USP13: variants seen among roughly 807,000 people sequenced by gnomAD.
USP13 encodes the protein ubiquitin specific peptidase 13, also known as ubiquitin carboxyl-terminal hydrolase 13.
A neutral mutation model predicts 107.8 loss-of-function variants in USP13; 68 were observed. The observed-to-expected ratio is 0.63, with a 90% CI of 0.52 to 0.77. The LOEUF is 0.77. USP13 is among the 30% of genes least tolerant of loss of function. USP13 has a pLI of 0.00. For missense variants in USP13, 945 were observed against 1,093.3 expected, an observed-to-expected ratio of 0.86 and a Z score of 1.91; for synonymous variants, 377 against 389.5, an observed-to-expected ratio of 0.97 and a Z score of 0.38.
At chr3:179,779,945 T>C (rs1715687774) in intron 19 of USP13, among the ~76,000 whole-genome samples, 1 of 152,142 alleles carries the variant, frequency 6.6e-6, no homozygotes, top group South Asian at 2.1e-4. Flanking sequence ...GATTGGACTT[T>C]GTCTTGCTGA....
At chr3:179,784,008 A>T (rs775336311) in intron 20 of USP13, 40 bp from the exon 21 acceptor site, 1 of 1,544,314 alleles carries the variant, frequency 6.5e-7, no homozygotes, top group Admixed American at 1.8e-5. Flanking sequence ...GTTTCCTGGA[A>T]CTGACTTAAA....
intron 16 of USP13, among the ~76,000 whole-genome samples, chr3:179,759,033 G>A (rs2108532232): frequency 6.6e-6 from 1 of 152,016 alleles, no homozygotes; most frequent in Middle Eastern, 3.4e-3. Context: ...CCAGGCTGGA[G>A]TACAGTGGCA....
Position 179,742,194 on chromosome 3 carries a change from C to T in USP13, c.1381-3C>T. ...TACTAACCTGATACAATCCATCCTT[C>T]AGAGGAACCGCATCGGCTCAGAAAA... On this transcript the variant is annotated splice_region_variant and splice_polypyrimidine_tract_variant and intron_variant, in intron 11 of 20. Transcript: ENST00000263966. This position sits in a 1 kb window ranked among gnomAD's most constrained non-coding sequence, Gnocchi z 5.0. 1 of 1,614,226 alleles carries T rather than the reference C, an allele frequency of 6.2e-7. No homozygotes were observed. Among genetic ancestry groups the T allele is most frequent in the Non-Finnish European group, 8.5e-7 (1 of 1,180,036 alleles).
intron 10 of USP13, among the ~76,000 whole-genome samples, chr3:179,737,929 T>C (rs1714050692): frequency 6.6e-6 from 1 of 152,190 alleles, no homozygotes; most frequent in African/African-American, 2.4e-5. Flanking sequence ...GACAGGGAAA[T>C]TCATCAGATT....
Position 179,682,247 on chromosome 3 carries a change from G to GAA in USP13, c.294+253_294+254dup, listed in dbSNP as rs55876994. On this transcript the variant is annotated intron_variant, in intron 2 of 20. Coordinates refer to ENST00000263966, the MANE Select transcript of USP13 (RefSeq NM_003940.3). ...TAAGAATACATAGATTGACTAATTG[G>GAA]AAAAAAAAAACCGAAACTAGGTTTA... 5.7e-3 allele frequency among the ~76,000 whole-genome samples: 828 copies of GAA among 145,552 alleles called. 9 individuals carry two copies. Among genetic ancestry groups the GAA allele is most frequent in the African/African-American group, 0.02 (775 of 39,478 alleles).
At position 179,784,438 on chromosome 3, in the gene USP13, A is replaced by C. The variant is rs111790665; in HGVS notation, c.*297A>C. 0.024 allele frequency: 5,896 copies of C among 244,734 alleles called. 377 individuals are homozygous for C. The highest frequency in any genetic ancestry group is 0.13 in the African/African-American group (5,576 of 43,898). 15.2% of individuals were successfully genotyped at this position (244,734 alleles called of 1,614,324 possible). The stretch of plus-strand genomic sequence containing the variant: ...GTGGAGGATCTGCCATCAGCACATC[A>C]AAAATGGGGATGTGCCCCCAGCCCT... On this transcript the variant is annotated 3_prime_UTR_variant, in exon 21 of 21. Coordinates refer to ENST00000263966, the MANE Select transcript of USP13 (RefSeq NM_003940.3).
rs115815529 is a variant in USP13 at position 179,739,488 on chromosome 3, G to A, written c.1255-759G>A. 2.8e-3 allele frequency among the ~76,000 whole-genome samples: 419 copies of A among 152,326 alleles called. 2 individuals are homozygous for A. The highest frequency in any genetic ancestry group is 9.6e-3 in the African/African-American group (401 of 41,570). On this transcript the variant is annotated intron_variant, in intron 10 of 20. Transcript: ENST00000263966. ...GTAAGTGCTCCATTCTTCAGGAGGG[G>A]TCCTCTCCTATACCCTCATGGAAGG...
chr3:179,669,186 C>T (rs948839348), intron 1 of USP13, among the ~76,000 whole-genome samples: 14 of 152,200 alleles, frequency 9.2e-5, no homozygotes, highest in Admixed American at 2.0e-4. Flanking sequence ...CCTGGCTGGG[C>T]GCGGTGGCTC....
At position 179,742,180 on chromosome 3, in the gene USP13, T is replaced by C; in HGVS notation, c.1381-17T>C. 3 of 1,614,206 alleles carry C rather than the reference T, an allele frequency of 1.9e-6. No homozygotes were observed. Among genetic ancestry groups the C allele is most frequent in the Non-Finnish European group, 2.5e-6 (3 of 1,180,024 alleles). ...AATATTCATACATTTACTAACCTGA[T>C]ACAATCCATCCTTCAGAGGAACCGC... On this transcript the variant is annotated splice_polypyrimidine_tract_variant and intron_variant, in intron 11 of 20. Transcript: ENST00000263966. This position sits in a 1 kb window ranked among gnomAD's most constrained non-coding sequence, Gnocchi z 5.0.
At chr3:179,722,836 C>T (rs9869211) in intron 8 of USP13, among the ~76,000 whole-genome samples, 1,587 of 152,208 alleles carry the variant, frequency 0.01, 17 homozygotes, top group Middle Eastern at 0.058. Flanking sequence ...GACCCTTTAC[C>T]GCAGATAATT....
intron 13 of USP13, among the ~76,000 whole-genome samples, chr3:179,750,316 ATATATGTGTG>A (rs1382646152): frequency 0.012 from 520 of 44,340 alleles, 3 homozygotes; most frequent in African/African-American, 0.034. Context: ...ATATATATAT[ATATATGTGTG>A]TATATATATA....
chr3:179,732,385 C>T (rs1048080452), intron 10 of USP13, among the ~76,000 whole-genome samples: 1 of 152,202 alleles, frequency 6.6e-6, no homozygotes. Flanking sequence ...GGCGGTGTCA[C>T]TTCTTGCATG....
intron 3 of USP13, among the ~76,000 whole-genome samples, chr3:179,692,330 T>C (rs1164154176): frequency 6.6e-6 from 1 of 152,274 alleles, no homozygotes; most frequent in Non-Finnish European, 1.5e-5. Flanking sequence ...GTTGTGGAGC[T>C]GAGTTTCTTT....
At chr3:179,706,468 A>T (rs761750572) in intron 4 of USP13, among the ~76,000 whole-genome samples, 1 of 152,224 alleles carries the variant, frequency 6.6e-6, no homozygotes, top group South Asian at 2.1e-4. Flanking sequence ...AAATGGAGCC[A>T]TGCTGCTTAC....
At chr3:179,737,122 G>A (rs571928724) in intron 10 of USP13, among the ~76,000 whole-genome samples, 1 of 152,162 alleles carries the variant, frequency 6.6e-6, no homozygotes, top group Non-Finnish European at 1.5e-5. Context: ...CTCTTGATGT[G>A]TTGTCTTCTC....
intron 12 of USP13, among the ~76,000 whole-genome samples, chr3:179,743,493 A>G (rs754850204): frequency 4.3e-4 from 65 of 151,928 alleles, no homozygotes; most frequent in Non-Finnish European, 5.6e-4. Context: ...TTAGTTGGAA[A>G]GTGATGATTA....
chr3:179,703,899 G>A (rs1199217885), intron 4 of USP13, among the ~76,000 whole-genome samples: 1 of 152,114 alleles, frequency 6.6e-6, no homozygotes, highest in Non-Finnish European at 1.5e-5. Context: ...GTTTTATAAT[G>A]GCTGTGTTTA....
At chr3:179,759,777 G>A (rs562835577) in intron 16 of USP13, among the ~76,000 whole-genome samples, 3 of 152,054 alleles carry the variant, frequency 2.0e-5, no homozygotes, top group African/African-American at 4.8e-5. Context: ...GGGTTCAAGC[G>A]ATTCTCCTGC....
chr3:179,774,142 G>A (rs1444694048), intron 19 of USP13, among the ~76,000 whole-genome samples: 8 of 152,174 alleles, frequency 5.3e-5, no homozygotes, highest in Admixed American at 5.2e-4. Context: ...TGGCAAGAGA[G>A]AGAACAAGCG....
Sources: gnomAD v4.1 joint callset for allele counts (sites outside exome capture counted in the v4.1 genomes callset) on GRCh38, gnomAD v4.1.1 for gene constraint, Gnocchi (gnomAD v3.1) non-coding constraint, MANE v1.5 for transcripts, NCBI Gene and HGNC (gene_info 2026-07-23, HGNC 2026-07-21) for gene names.